The following CDC14A variants were observed in gnomAD, a reference collection of about 807,000 sequenced individuals.
CDC14A encodes the protein dual specificity protein phosphatase CDC14A.
A neutral mutation model predicts 74.4 loss-of-function variants in CDC14A; 53 were observed. The observed-to-expected ratio is 0.71, with a 90% CI of 0.57 to 0.89. The LOEUF is 0.89. Ranked by LOEUF, CDC14A falls within the 40% of genes least tolerant of loss-of-function variation. CDC14A has a pLI of 0.00. For missense variants in CDC14A, 646 were observed against 713.7 expected (o/e 0.91, Z 1.08); for synonymous variants, 247 against 258.4 (o/e 0.96, Z 0.43).
chr1:100,515,234 C>A (rs547071797), intron 15 of CDC14A, among the ~76,000 whole-genome samples: 1 of 152,268 alleles, frequency 6.6e-6, no homozygotes, highest in South Asian at 2.1e-4. Flanking sequence ...CGTAGGATAA[C>A]CATGTGATAC....
intron 11 of CDC14A, chr1:100,484,667 G>T: frequency 8.8e-7 from 1 of 1,142,550 alleles, no homozygotes; most frequent in East Asian, 4.1e-5. Context: ...AAATTATAAA[G>T]GAGGCTACTC....
At chr1:100,400,474 C>G (rs908522928) in intron 4 of CDC14A, among the ~76,000 whole-genome samples, 1 of 151,942 alleles carries the variant, frequency 6.6e-6, no homozygotes, top group Non-Finnish European at 1.5e-5. Context: ...GTAAATCTAA[C>G]GGCAGTGTTT....
chr1:100,518,766 T>C lies in CDC14A; in HGVS notation c.*486T>C, dbSNP rs1650439620. ...AGTTTTAGTATGGTTTTGTCTCTAA[T>C]GAATAAATAATTCCTTCTTATTAAG... On this transcript the variant is annotated 3_prime_UTR_variant, in exon 16 of 16. Transcript: ENST00000336454. 1.3e-5 allele frequency: 2 copies of C among 152,670 alleles called. No homozygotes were observed. The highest frequency in any genetic ancestry group is 4.8e-5 in the African/African-American group (2 of 41,456). The allele number at this position is 152,670 out of a possible 1,614,324, so 9.5% of individuals were successfully genotyped here.
At chr1:100,478,710 TATG>T (rs1557805143) in intron 10 of CDC14A, among the ~76,000 whole-genome samples, 2 of 152,340 alleles carry the variant, frequency 1.3e-5, no homozygotes, top group South Asian at 4.1e-4. Flanking sequence ...AGCACAGTAT[TATG>T]GTTGAACTCT....
At chr1:100,449,173 A>G (rs1665864331) in intron 7 of CDC14A, among the ~76,000 whole-genome samples, 1 of 152,238 alleles carries the variant, frequency 6.6e-6, no homozygotes, top group African/African-American at 2.4e-5. Context: ...ACATTATTTT[A>G]GCCACATTAC....
chr1:100,382,365 A>G (rs184216170), intron 3 of CDC14A, among the ~76,000 whole-genome samples: 53 of 149,200 alleles, frequency 3.6e-4, no homozygotes, highest in East Asian at 3.1e-3. Flanking sequence ...ATAGGTGCAC[A>G]CTTCTGCACC....
At chr1:100,459,078 TCTATTTAAACACACACACA>T in intron 8 of CDC14A, among the ~76,000 whole-genome samples, 1 of 115,782 alleles carries the variant, frequency 8.6e-6, no homozygotes, top group Middle Eastern at 3.9e-3. Context: ...CATTCTCACT[TCTATTTAAACACACACACA>T]CACGCACACA....
chr1:100,437,922 G>A (rs779634333), intron 5 of CDC14A, among the ~76,000 whole-genome samples: 5 of 150,988 alleles, frequency 3.3e-5, no homozygotes, highest in African/African-American at 9.8e-5. Flanking sequence ...TTTAAAAAAC[G>A]TAAAGCAGTA....
chr1:100,351,973 AGTGTGTGTGTGTGT>A (rs35169146), upstream of CDC14A, among the ~76,000 whole-genome samples: 17,120 of 146,142 alleles, frequency 0.12, 2,719 homozygotes, highest in African/African-American at 0.36. Flanking sequence ...GGTTTTTACG[AGTGTGTGTGTGTGT>A]GTGTGTGTGT....
At chr1:100,394,270 C>T (rs369181505) in intron 4 of CDC14A, among the ~76,000 whole-genome samples, 1 of 152,090 alleles carries the variant, frequency 6.6e-6, no homozygotes, top group African/African-American at 2.4e-5. Context: ...TGTGTGCCAC[C>T]ACAGCCAGCT....
intron 15 of CDC14A, chr1:100,504,735 C>A: frequency 9.2e-7 from 1 of 1,092,362 alleles, no homozygotes; most frequent in Non-Finnish European, 1.3e-6. Flanking sequence ...CTTTCAGGCC[C>A]TCTGTACTGC....
At chr1:100,358,327 G>A (rs933422097) in intron 2 of CDC14A, among the ~76,000 whole-genome samples, 37 of 152,184 alleles carry the variant, frequency 2.4e-4, no homozygotes, top group Admixed American at 6.5e-4. Context: ...ACTTTTGTGT[G>A]GCTAAAAAGT....
intron 2 of CDC14A, among the ~76,000 whole-genome samples, chr1:100,369,143 C>T (rs1289016963): frequency 6.7e-6 from 1 of 149,750 alleles, no homozygotes; most frequent in Non-Finnish European, 1.5e-5. Context: ...GTGGCGCAAT[C>T]TCGGCTCACT....
intron 8 of CDC14A, among the ~76,000 whole-genome samples, chr1:100,460,473 G>A (rs1325416344): frequency 6.6e-6 from 1 of 152,148 alleles, no homozygotes; most frequent in Admixed American, 6.5e-5. Flanking sequence ...GCAACCCAGA[G>A]GCAGAAGCTC....
At chr1:100,377,498 A>G in intron 2 of CDC14A, 48 bp from the exon 3 acceptor site, 3 of 1,284,072 alleles carry the variant, frequency 2.3e-6, no homozygotes, top group Non-Finnish European at 3.3e-6. Context: ...GTTACTGAAA[A>G]TTATACTTTG....
Position 100,499,271 on chromosome 1 carries a change from G to A in CDC14A, c.1755+9G>A, listed in dbSNP as rs150619755. On this transcript the variant is annotated intron_variant, in intron 15 of 15. Coordinates refer to ENST00000336454, the MANE Select transcript of CDC14A (RefSeq NM_003672.4). The stretch of plus-strand genomic sequence containing the variant: ...TGAGCCGTTCTATCCCTGTAAGTGC[G>A]CAGACACCACCTCCTGGTCCTCAGA... 2.1e-5 allele frequency: 34 copies of A among 1,614,016 alleles called. No homozygotes were observed. Among genetic ancestry groups the A allele is most frequent in the African/African-American group, 4.0e-5 (3 of 74,908 alleles).
At chr1:100,357,684 C>T (rs1652111803) in intron 2 of CDC14A, among the ~76,000 whole-genome samples, 1 of 151,324 alleles carries the variant, frequency 6.6e-6, no homozygotes, top group Non-Finnish European at 1.5e-5. Context: ...TTGCTTGAGG[C>T]CTGCAGTTGA....
upstream of CDC14A, chr1:100,351,870 T>A (rs1019129510): frequency 4.9e-6 from 7 of 1,427,020 alleles, no homozygotes; most frequent in South Asian, 1.2e-5. Flanking sequence ...CTTTTTCAAT[T>A]GTATTTTTTA....
At chr1:100,439,851 C>G (rs1664735455) in intron 5 of CDC14A, 81 bp from the exon 6 acceptor site, 7 of 952,038 alleles carry the variant, frequency 7.4e-6, no homozygotes, top group Non-Finnish European at 1.2e-5. Flanking sequence ...AAGCACATCT[C>G]CAGCTGACTT....
Sources: allele counts gnomAD v4.1 joint callset (sites outside exome capture counted in the v4.1 genomes callset), GRCh38; gene constraint gnomAD v4.1.1; transcripts MANE v1.5; gene names NCBI Gene and HGNC (gene_info 2026-07-23, HGNC 2026-07-21).